The following ETFA variants were observed in gnomAD, a reference collection of about 807,000 sequenced individuals.
The protein encoded by ETFA is electron transfer flavoprotein subunit alpha, mitochondrial.
In ETFA, 22 loss-of-function variants were observed where a neutral mutation model predicts 46.2. The ratio of observed to expected loss-of-function variants is 0.48; its 90% confidence interval spans 0.34 to 0.68. The LOEUF is 0.68. Ranked by LOEUF, ETFA falls within the 30% of genes least tolerant of loss-of-function variation. ETFA has a pLI of 0.01. For synonymous variants in ETFA, 131 were observed against 139.9 expected, an observed-to-expected ratio of 0.94 and a Z score of 0.45; for missense variants, 345 against 401.1, an observed-to-expected ratio of 0.86 and a Z score of 1.19.
intron 8 of ETFA, 144 bp from the exon 9 acceptor site, chr15:76,274,638 C>A: frequency 1.4e-6 from 1 of 714,836 alleles, no homozygotes; most frequent in Non-Finnish European, 2.5e-6. Flanking sequence ...GGAATAACTT[C>A]TTTTTATACC....
At chr15:76,227,857 G>A (rs1158636947) in intron 10 of ETFA, 1 of 456,056 alleles carries the variant, frequency 2.2e-6, no homozygotes, top group Non-Finnish European at 4.4e-6. Context: ...TGCAGAAGAT[G>A]CCAGAATGTC....
chr15:76,280,690 C>A (rs1427382957), intron 8 of ETFA, among the ~76,000 whole-genome samples: 2 of 152,092 alleles, frequency 1.3e-5, no homozygotes, highest in East Asian at 3.9e-4. Flanking sequence ...CCTATAAGGC[C>A]CTATGTGATC....
intron 6 of ETFA, 86 bp downstream of exon 6, chr15:76,286,285 T>C (rs1268357245): frequency 5.8e-6 from 4 of 688,570 alleles, no homozygotes; most frequent in Non-Finnish European, 5.0e-6. Context: ...ATTAGAAATG[T>C]AGGCAGAGGT....
At chr15:76,304,951 A>C (rs1012958437) in intron 1 of ETFA, among the ~76,000 whole-genome samples, 1 of 151,874 alleles carries the variant, frequency 6.6e-6, no homozygotes, top group African/African-American at 2.4e-5. Context: ...GCTGAGGCAG[A>C]TGAATGGCGT....
chr15:76,216,840 CTTTTTT>C lies in ETFA; in HGVS notation c.964-249_964-244del, dbSNP rs373144812. Among the ~76,000 whole-genome samples, 498 of 89,288 alleles carry C rather than the reference CTTTTTT, an allele frequency of 5.6e-3. 2 individuals carry two copies. Among genetic ancestry groups the C allele is most frequent in the African/African-American group, 0.021 (443 of 21,404 alleles). 58.6% of individuals were successfully genotyped at this position (89,288 alleles called of 152,430 possible). A position where few individuals can be genotyped will look rare whatever the true frequency, so the allele number is the denominator to read the frequency against. ...CACTCATTGCCTAGGTGCCTTTTGC[CTTTTTT>C]TTTTTTTTTTTTTTTTTGAGACAGG... On this transcript the variant is annotated intron_variant, in intron 11 of 11. Transcript: ENST00000557943.
At chr15:76,222,122 C>T (rs1173296274) in intron 11 of ETFA, among the ~76,000 whole-genome samples, 2 of 151,248 alleles carry the variant, frequency 1.3e-5, no homozygotes, top group African/African-American at 4.8e-5. Context: ...CTAATTAATT[C>T]TCACCCATAA....
At chr15:76,272,617 A>G in intron 9 of ETFA, among the ~76,000 whole-genome samples, 1 of 152,042 alleles carries the variant, frequency 6.6e-6, no homozygotes, top group Non-Finnish European at 1.5e-5. Flanking sequence ...TAAAATTGAA[A>G]GATTTCCACA....
intron 6 of ETFA, 68 bp downstream of exon 6, chr15:76,286,303 T>C: frequency 1.2e-6 from 1 of 822,580 alleles, no homozygotes; most frequent in Non-Finnish European, 2.0e-6. Flanking sequence ...GGTCATCTCT[T>C]ATTATAATAC....
intron 9 of ETFA, among the ~76,000 whole-genome samples, chr15:76,271,897 GTA>G (rs753056622): frequency 2.9e-5 from 4 of 137,286 alleles, no homozygotes; most frequent in Non-Finnish European, 6.2e-5. Flanking sequence ...ACATATATGC[GTA>G]TATGTGTGTG....
intron 1 of ETFA, 33 bp downstream of exon 1, chr15:76,311,317 G>A (rs1567224624): frequency 1.3e-6 from 2 of 1,550,770 alleles, no homozygotes; most frequent in East Asian, 2.4e-5. Context: ...ACGGGGGGCC[G>A]TCCCTGGGTT....
chr15:76,272,473 G>A (rs1596211656), intron 9 of ETFA, among the ~76,000 whole-genome samples: 1 of 152,084 alleles, frequency 6.6e-6, no homozygotes, highest in East Asian at 1.9e-4. Flanking sequence ...AACTGCCTCA[G>A]CCTCCCAAAG....
intron 9 of ETFA, among the ~76,000 whole-genome samples, chr15:76,231,872 A>C (rs190651438): frequency 2.2e-4 from 33 of 152,318 alleles, no homozygotes; most frequent in Admixed American, 1.9e-3. Flanking sequence ...TGTTTGGCTT[A>C]GTTGTTCGCC....
chr15:76,242,738 T>C (rs746499188), intron 9 of ETFA, among the ~76,000 whole-genome samples: 1 of 152,170 alleles, frequency 6.6e-6, no homozygotes, highest in Non-Finnish European at 1.5e-5. Context: ...TGATACAATA[T>C]GATGAAATGT....
At chr15:76,307,298 A>G (rs956838488) in intron 1 of ETFA, among the ~76,000 whole-genome samples, 2 of 152,218 alleles carry the variant, frequency 1.3e-5, no homozygotes, top group African/African-American at 4.8e-5. Context: ...TTATAGATAT[A>G]AAAACTATCT....
chr15:76,289,574 A>G (rs976204425), intron 4 of ETFA, among the ~76,000 whole-genome samples: 1 of 152,194 alleles, frequency 6.6e-6, no homozygotes. Flanking sequence ...TGGTACACAG[A>G]TATCTATCCT....
intron 9 of ETFA, among the ~76,000 whole-genome samples, chr15:76,241,903 C>CTCGGCTCACTGCAACCT (rs2141474085): frequency 7.2e-6 from 1 of 138,618 alleles, no homozygotes; most frequent in South Asian, 2.3e-4. Context: ...ATGGCACGAT[C>CTCGGCTCACTGCAACCT]TCGGCTCACT....
intron 9 of ETFA, among the ~76,000 whole-genome samples, chr15:76,246,762 G>C (rs1461895380): frequency 6.6e-6 from 1 of 152,014 alleles, no homozygotes; most frequent in Non-Finnish European, 1.5e-5. Context: ...GAACCCGGGA[G>C]GTGGAGCTTG....
intron 9 of ETFA, among the ~76,000 whole-genome samples, chr15:76,266,267 G>A (rs1252041459): frequency 1.3e-5 from 2 of 151,658 alleles, no homozygotes; most frequent in Non-Finnish European, 2.9e-5. Context: ...CCAAGATTAT[G>A]AAAAATTTGC....
intron 9 of ETFA, chr15:76,260,215 A>G (rs1168213828): frequency 5.2e-6 from 7 of 1,342,672 alleles, no homozygotes; most frequent in Admixed American, 1.7e-5. Flanking sequence ...TTGATGCCCA[A>G]GCTTTCCAAT....
Sources: gnomAD v4.1 joint callset for allele counts (sites outside exome capture counted in the v4.1 genomes callset) on GRCh38, gnomAD v4.1.1 for gene constraint, MANE v1.5 for transcripts, NCBI Gene and HGNC (gene_info 2026-07-23, HGNC 2026-07-21) for gene names.